GLIS3: variants seen among roughly 807,000 people sequenced by gnomAD.
The protein encoded by GLIS3 is GLIS family zinc finger 3, also known as zinc finger protein GLIS3.
GLIS3 carries 53 observed loss-of-function variants against 78.6 expected under a neutral mutation model. The ratio of observed to expected loss-of-function variants is 0.67; its 90% CI spans 0.54 to 0.85. The LOEUF (loss-of-function observed/expected upper bound fraction) is 0.85. Among genes scored for constraint, GLIS3 ranks in the 40% least tolerant of loss-of-function variants. The pLI is 0.00. For missense variants in GLIS3, 1,703 were observed against 1,231.1 expected (o/e 1.38, Z -5.74); for synonymous variants, 684 against 509.9 (o/e 1.34, Z -4.60).
rs182702346 is a variant in GLIS3 at position 4,253,893 on chromosome 9, G to A, written c.388+32145C>T. Among the ~76,000 whole-genome samples the A allele has an allele frequency of 3.0e-3, 454 of 152,262 alleles. 2 individuals carry two copies. The highest frequency in any genetic ancestry group is 0.01 in the African/African-American group (429 of 41,542). On this transcript the variant is annotated intron_variant, in intron 2 of 10. Coordinates refer to ENST00000381971, the MANE Select transcript of GLIS3 (RefSeq NM_001042413.2). Reference sequence around the variant, plus strand: ...CTGACCCCTTGCACTTCCCGGGTAAGGTGACGCCCCACCCTGCTTCAACTC... The same window carrying A: ...CTGACCCCTTGCACTTCCCGGGTAAAGTGACGCCCCACCCTGCTTCAACTC...
chr9:4,118,382 G>C lies in GLIS3; in HGVS notation c.1096C>G (p.Pro366Ala), dbSNP rs903754269. The C allele has an allele frequency of 3.8e-6, 6 of 1,598,454 alleles. No individual in the cohort carries two copies. Among genetic ancestry groups the C allele is most frequent in the Non-Finnish European group, 5.1e-6 (6 of 1,176,172 alleles). ...GSCIPQPRPV[P>A]GSQKGVLVAP... is the part of the protein sequence containing the mutation. ...ACCAGCACGCCCTTCTGGCTGCCGG[G>C]CACCGGGCGCGGCTGGGGAATGCAG... is the stretch of plus-strand genomic sequence containing the variant. The change falls in exon 4 of 11, where the codon CCC becomes GCC. Residue 366 changes from proline (P) to alanine (A), a missense_variant. By Grantham distance (27) the Pro-to-Ala change is conservative. Coordinates refer to ENST00000381971, the MANE Select transcript of GLIS3 (RefSeq NM_001042413.2). This position sits in a 1 kb window ranked among gnomAD's most constrained non-coding sequence, Gnocchi z 4.7.
chr9:4,183,433 T>C (rs1035806735), intron 2 of GLIS3, among the ~76,000 whole-genome samples: 3 of 152,222 alleles, frequency 2.0e-5, no homozygotes. Context: ...TTTTCATTAA[T>C]TCATTTAGCC....
chr9:4,000,165 C>T (rs184899284), intron 4 of GLIS3, among the ~76,000 whole-genome samples: 26 of 152,190 alleles, frequency 1.7e-4, no homozygotes, highest in Admixed American at 9.2e-4. Flanking sequence ...ATGATCCATA[C>T]GTAGATTCAC....
At chr9:4,085,398 G>C (rs1382547662) in intron 4 of GLIS3, among the ~76,000 whole-genome samples, 1 of 151,982 alleles carries the variant, frequency 6.6e-6, no homozygotes, top group Non-Finnish European at 1.5e-5. Flanking sequence ...TACCAGCAGA[G>C]CTCACCACTT....
intron 4 of GLIS3, among the ~76,000 whole-genome samples, chr9:4,035,624 T>C (rs1824232936): frequency 6.6e-6 from 1 of 152,098 alleles, no homozygotes; most frequent in African/African-American, 2.4e-5. Context: ...CATGTAACTC[T>C]TGTTTCTGTT....
In GLIS3 at chr9:4,210,942, A is replaced by G. The variant is rs563314035; in HGVS notation, c.388+75096T>C. On this transcript the variant is annotated intron_variant, in intron 2 of 10. Transcript: ENST00000381971. ...AAGCTTCCCTGACAGCTTTAGCTCC[A>G]TGGGCCATCCTCTGCGCAGAGTTTC... is the stretch of plus-strand genomic sequence containing the variant. Among the ~76,000 whole-genome samples the G allele has an allele frequency of 3.3e-5, 5 of 152,290 alleles. No individual in the cohort carries two copies. The East Asian group carries it at 9.6e-4, about 29-fold the overall frequency.
chr9:3,941,671 A>G (rs1280386179), intron 4 of GLIS3, among the ~76,000 whole-genome samples: 5 of 152,224 alleles, frequency 3.3e-5, no homozygotes, highest in Non-Finnish European at 7.3e-5. Flanking sequence ...GGAAAAGGGC[A>G]TGAAACTGTA....
At chr9:4,133,041 T>C (rs1586763466) in intron 2 of GLIS3, among the ~76,000 whole-genome samples, 1 of 152,196 alleles carries the variant, frequency 6.6e-6, no homozygotes, top group Non-Finnish European at 1.5e-5. Context: ...TTCCCACACT[T>C]TTCCTTGAAA....
chr9:4,434,968 A>G, the GLIS3 span, among the ~76,000 whole-genome samples: 1 of 152,252 alleles, frequency 6.6e-6, no homozygotes, highest in African/African-American at 2.4e-5. Flanking sequence ...CTCAAGAAAT[A>G]AAACAAAGCT....
intron 2 of GLIS3, among the ~76,000 whole-genome samples, chr9:4,145,582 A>G (rs1191296351): frequency 6.6e-6 from 1 of 152,172 alleles, no homozygotes; most frequent in Non-Finnish European, 1.5e-5. Context: ...AAAAGCCCAT[A>G]ATGCCTAAGA....
chr9:4,424,667 G>T, the GLIS3 span, among the ~76,000 whole-genome samples: 1 of 152,064 alleles, frequency 6.6e-6, no homozygotes, highest in African/African-American at 2.4e-5. Context: ...GGGTTCAAGG[G>T]ATCCTCCCGC....
intron 4 of GLIS3, among the ~76,000 whole-genome samples, chr9:4,110,735 G>C (rs552680026): frequency 6.6e-6 from 1 of 152,220 alleles, no homozygotes; most frequent in Admixed American, 6.5e-5. Context: ...AACAAGCATT[G>C]TCTTATTGAT....
At chr9:4,262,008 G>A (rs907848135) in intron 2 of GLIS3, among the ~76,000 whole-genome samples, 2 of 152,198 alleles carry the variant, frequency 1.3e-5, no homozygotes, top group African/African-American at 4.8e-5. Flanking sequence ...TAAGGTGGTT[G>A]TCTAGTGCTT....
intron 2 of GLIS3, among the ~76,000 whole-genome samples, chr9:4,142,153 T>G (rs531649710): frequency 6.6e-6 from 1 of 152,190 alleles, no homozygotes; most frequent in African/African-American, 2.4e-5. Context: ...TAATACATAT[T>G]GATGCCAGTA....
At chr9:4,192,332 AGTTATT>A (rs1818402916) in intron 2 of GLIS3, among the ~76,000 whole-genome samples, 1 of 152,218 alleles carries the variant, frequency 6.6e-6, no homozygotes. Flanking sequence ...GTGACACCTC[AGTTATT>A]TTCTAATTTT....
chr9:4,304,457 C>G (rs1587373229), upstream of GLIS3, among the ~76,000 whole-genome samples: 1 of 152,192 alleles, frequency 6.6e-6, no homozygotes. Context: ...GAGAGCCTGT[C>G]TGCGCCCTGC....
At chr9:3,917,844 A>ATTAT (rs1381459625) in intron 6 of GLIS3, among the ~76,000 whole-genome samples, 105 of 152,318 alleles carry the variant, frequency 6.9e-4, no homozygotes, top group Non-Finnish European at 2.5e-4. Flanking sequence ...ATTGACATAT[A>ATTAT]ATGGGAGTGA....
intron 4 of GLIS3, among the ~76,000 whole-genome samples, chr9:4,308,374 G>A (rs565018550): frequency 6.6e-6 from 1 of 152,192 alleles, no homozygotes; most frequent in Non-Finnish European, 1.5e-5. Flanking sequence ...AGGAATGAAG[G>A]AGGAAGACAG....
chr9:3,827,999 G>C lies in GLIS3; in HGVS notation c.*273C>G. 4.1e-6 allele frequency: 2 copies of C among 489,524 alleles called. No homozygotes were observed. Among genetic ancestry groups the C allele is most frequent in the South Asian group, 4.2e-5 (2 of 47,508 alleles). 30.3% of individuals were successfully genotyped at this position (489,524 alleles called of 1,614,324 possible). ...AGGGTTGACAGCCAGGAAGTAACAGGTATCCAGGAGAGTGAGGCTCTAAAT... is the reference window on the plus strand; with the variant it reads ...AGGGTTGACAGCCAGGAAGTAACAGCTATCCAGGAGAGTGAGGCTCTAAAT... On this transcript the variant is annotated 3_prime_UTR_variant, in exon 11 of 11. Transcript: ENST00000381971.
Sources: allele counts gnomAD v4.1 joint callset (sites outside exome capture counted in the v4.1 genomes callset), GRCh38; gene constraint gnomAD v4.1.1; non-coding constraint Gnocchi (gnomAD v3.1); transcripts MANE v1.5; gene names NCBI Gene and HGNC (gene_info 2026-07-23, HGNC 2026-07-21).